ESRRG: variants seen among roughly 807,000 people sequenced by gnomAD.
ESRRG encodes estrogen related receptor gamma.
In ESRRG, 13 loss-of-function variants were observed where a neutral mutation model predicts 44.0. The ratio of observed to expected loss-of-function variants is 0.30; its 90% confidence interval spans 0.19 to 0.47. The LOEUF is 0.47. ESRRG is among the 20% of genes least tolerant of loss of function. ESRRG has a pLI of 1.00. For synonymous variants in ESRRG, 215 were observed against 214.6 expected (o/e 1.00, Z -0.02); for missense variants, 395 against 580.6 (o/e 0.68, Z 3.29).
chr1:216,866,742 T>C (rs1369432148), intron 2 of ESRRG, among the ~76,000 whole-genome samples: 2 of 152,026 alleles, frequency 1.3e-5, no homozygotes, highest in East Asian at 3.9e-4. Context: ...GGCTAATCTC[T>C]TTATCTTTTA....
Position 216,507,185 on chromosome 1 carries a change from T to C in ESRRG, c.1133-2A>G. 1 of 1,586,478 alleles carries C rather than the reference T, an allele frequency of 6.3e-7. No individual in the cohort carries two copies. The highest frequency in any genetic ancestry group is 8.6e-7 in the Non-Finnish European group (1 of 1,165,890). On this transcript the variant is annotated splice_acceptor_variant, in intron 6 of 6. Transcript: ENST00000408911. LOFTEE classifies it high-confidence loss of function. ...CAACATCTTCTATGTGCATGGAGTC[T>C]GTGCAATGAAGCAAAAGATATGAGT...
At chr1:216,852,048 G>A (rs2095850853) in intron 2 of ESRRG, among the ~76,000 whole-genome samples, 1 of 152,220 alleles carries the variant, frequency 6.6e-6, no homozygotes, top group South Asian at 2.1e-4. Context: ...ACCTGTTGCG[G>A]CTGAGAAGTT....
intron 2 of ESRRG, among the ~76,000 whole-genome samples, chr1:216,936,118 A>G (rs888657402): frequency 1.3e-5 from 2 of 152,088 alleles, no homozygotes; most frequent in African/African-American, 4.8e-5. Context: ...CACTCCTGTC[A>G]AACAGGAAAT....
intron 1 of ESRRG, among the ~76,000 whole-genome samples, chr1:217,083,848 C>T (rs2091917743): frequency 1.3e-5 from 2 of 152,172 alleles, no homozygotes; most frequent in African/African-American, 4.8e-5. Flanking sequence ...CCCATGTTTA[C>T]TATAGTACTA....
intron 2 of ESRRG, among the ~76,000 whole-genome samples, chr1:216,838,961 A>G (rs555166303): frequency 3.3e-5 from 5 of 152,240 alleles, no homozygotes; most frequent in African/African-American, 1.2e-4. Flanking sequence ...TAGCTGTAGC[A>G]GTTTTTTAAA....
intron 2 of ESRRG, among the ~76,000 whole-genome samples, chr1:216,757,778 A>G (rs2092543129): frequency 6.6e-6 from 1 of 152,134 alleles, no homozygotes; most frequent in Non-Finnish European, 1.5e-5. Context: ...TCAGAGCCAC[A>G]GATATCTGTA....
At chr1:216,998,520 T>G (rs1001318093) in intron 1 of ESRRG, among the ~76,000 whole-genome samples, 1 of 152,240 alleles carries the variant, frequency 6.6e-6, no homozygotes, top group Non-Finnish European at 1.5e-5. Flanking sequence ...CATTACTTCT[T>G]TTTTGCAAAT....
chr1:216,841,436 T>C (rs2095651973), intron 2 of ESRRG, among the ~76,000 whole-genome samples: 1 of 152,072 alleles, frequency 6.6e-6, no homozygotes, highest in Admixed American at 6.6e-5. Flanking sequence ...CTGAGGGATT[T>C]TACAGGAATT....
intron 2 of ESRRG, among the ~76,000 whole-genome samples, chr1:216,676,393 A>C (rs1227032718): frequency 6.6e-6 from 1 of 150,564 alleles, no homozygotes; most frequent in Non-Finnish European, 1.5e-5. Context: ...TATTGGTATA[A>C]TTTGGAAGGT....
At chr1:216,757,536 A>C (rs1310500656) in intron 2 of ESRRG, among the ~76,000 whole-genome samples, 4 of 152,066 alleles carry the variant, frequency 2.6e-5, no homozygotes, top group Non-Finnish European at 5.9e-5. Context: ...CAAAATAATG[A>C]AAATGTAAGT....
intron 2 of ESRRG, among the ~76,000 whole-genome samples, chr1:216,797,496 C>T (rs1042346095): frequency 1.3e-5 from 2 of 152,132 alleles, no homozygotes; most frequent in Non-Finnish European, 2.9e-5. Context: ...TCCAGATCCA[C>T]TAACCCACAT....
chr1:217,010,938 C>T (rs1456023586), intron 1 of ESRRG, among the ~76,000 whole-genome samples: 1 of 152,132 alleles, frequency 6.6e-6, no homozygotes, highest in East Asian at 1.9e-4. Context: ...CAGATTAGAT[C>T]TTAAAATGCC....
intron 1 of ESRRG, among the ~76,000 whole-genome samples, chr1:217,075,999 T>C (rs2091251417): frequency 6.6e-6 from 1 of 152,350 alleles, no homozygotes; most frequent in African/African-American, 2.4e-5. Flanking sequence ...CACCTGTATA[T>C]GTACAATGAT....
At chr1:216,879,687 G>A (rs978057255) in intron 2 of ESRRG, among the ~76,000 whole-genome samples, 1 of 152,098 alleles carries the variant, frequency 6.6e-6, no homozygotes, top group African/African-American at 2.4e-5. Flanking sequence ...AATTTTCTGA[G>A]CAATAAAATG....
chr1:216,785,250 A>G (rs1471935709), intron 2 of ESRRG, among the ~76,000 whole-genome samples: 1 of 152,120 alleles, frequency 6.6e-6, no homozygotes, highest in Admixed American at 6.6e-5. Flanking sequence ...GACCCAAGGC[A>G]TCATTTAAAA....
intron 1 of ESRRG, among the ~76,000 whole-genome samples, chr1:216,712,729 T>C (rs1307345233): frequency 2.6e-5 from 4 of 152,334 alleles, no homozygotes; most frequent in Middle Eastern, 6.8e-3. Flanking sequence ...ATGTTTACAA[T>C]TGACATCTTC....
intron 2 of ESRRG, among the ~76,000 whole-genome samples, chr1:216,938,182 G>A (rs1014965318): frequency 1.3e-5 from 2 of 152,108 alleles, no homozygotes; most frequent in African/African-American, 4.8e-5. Flanking sequence ...TTATTTAAAG[G>A]AATCTTGTGA....
At chr1:216,820,327 GA>G (rs1251494368) in intron 2 of ESRRG, among the ~76,000 whole-genome samples, 4 of 151,922 alleles carry the variant, frequency 2.6e-5, no homozygotes, top group Non-Finnish European at 4.4e-5. Context: ...AATAGCTTGA[GA>G]AAAAAATATT....
intron 2 of ESRRG, among the ~76,000 whole-genome samples, chr1:216,844,675 G>A (rs1367649064): frequency 6.6e-6 from 1 of 151,980 alleles, no homozygotes; most frequent in Non-Finnish European, 1.5e-5. Flanking sequence ...CCCTGACTCT[G>A]CTATAAAATA....
Sources: gnomAD v4.1 joint callset for allele counts (sites outside exome capture counted in the v4.1 genomes callset) on GRCh38, gnomAD v4.1.1 for gene constraint, MANE v1.5 for transcripts, NCBI Gene and HGNC (gene_info 2026-07-23, HGNC 2026-07-21) for gene names.